ERBIN: variants seen among roughly 807,000 people sequenced by gnomAD.
ERBIN encodes the protein erbb2 interacting protein, also known as densin-180-like protein.
ERBIN carries 60 observed loss-of-function variants against 158.4 expected under a neutral mutation model. The observed-to-expected ratio is 0.38, with a 90% CI of 0.31 to 0.47. The LOEUF (loss-of-function observed/expected upper bound fraction) is 0.47. ERBIN is among the 20% of genes least tolerant of loss of function. The pLI, the probability that ERBIN is intolerant of heterozygous loss-of-function variation, is 0.99. For missense variants in ERBIN, 1,610 were observed against 1,648.0 expected (o/e 0.98, Z 0.40); for synonymous variants, 594 against 557.2 (o/e 1.07, Z -0.93).
At chr5:66,047,825 G>C (rs115912360) in intron 18 of ERBIN, among the ~76,000 whole-genome samples, 4,247 of 152,078 alleles carry the variant, frequency 0.028, 97 homozygotes, top group Middle Eastern at 0.041. Context: ...TTGTTACAGT[G>C]AACTTATGAC....
chr5:66,042,916 A>G (rs564295188), intron 15 of ERBIN, among the ~76,000 whole-genome samples, 161 bp from the exon 16 acceptor site: 1 of 152,186 alleles, frequency 6.6e-6, no homozygotes, highest in Non-Finnish European at 1.5e-5. Flanking sequence ...ATTATAAAGA[A>G]TCGGCCAACG....
intron 1 of ERBIN, among the ~76,000 whole-genome samples, chr5:65,936,801 T>C (rs906269270): frequency 2.0e-5 from 3 of 152,186 alleles, no homozygotes; most frequent in African/African-American, 7.2e-5. Flanking sequence ...AGATGAAAAT[T>C]CTCCACAATT....
intron 17 of ERBIN, among the ~76,000 whole-genome samples, chr5:66,045,542 A>G (rs1456642349): frequency 6.6e-6 from 1 of 151,998 alleles, no homozygotes; most frequent in Non-Finnish European, 1.5e-5. Context: ...ACACTCTGTG[A>G]TGTTCACAGA....
In ERBIN at chr5:66,054,642, A is replaced by C. The variant is rs1364359251; in HGVS notation, c.3324A>C (p.Arg1108Ser). 6.2e-7 allele frequency: 1 copy of C among 1,614,048 alleles called. No homozygotes were observed. Among genetic ancestry groups the C allele is most frequent in the Non-Finnish European group, 8.5e-7 (1 of 1,180,022 alleles). Residue 1108 changes from arginine (R) to serine (S), a missense_variant, in exon 21 of 26, where the codon AGA becomes AGC. Transcript: ENST00000284037. ...QIPEGDYLSY[R>S]EFHSAGRTPP... ...CTGAAGGAGATTATTTATCATACAG[A>C]GAGTTCCACTCAGCGGGAAGAACTC...
chr5:65,932,723 A>G (rs1245211789), intron 1 of ERBIN, among the ~76,000 whole-genome samples: 1 of 152,008 alleles, frequency 6.6e-6, no homozygotes, highest in Non-Finnish European at 1.5e-5. Context: ...CTTGATTTTC[A>G]TTTGTTTTCA....
At chr5:66,014,758 ATT>A in intron 7 of ERBIN, 33 bp downstream of exon 7, 1 of 1,098,924 alleles carries the variant, frequency 9.1e-7, no homozygotes, top group Non-Finnish European at 1.3e-6. Flanking sequence ...AAAAAACTTA[ATT>A]TATAATTTTT....
intron 1 of ERBIN, among the ~76,000 whole-genome samples, chr5:65,982,972 T>C (rs1361579273): frequency 1.3e-5 from 2 of 152,240 alleles, no homozygotes; most frequent in African/African-American, 4.8e-5. Context: ...TCTTGATTCC[T>C]GCTGGTTATA....
At chr5:65,958,578 C>G (rs1278003914) in intron 1 of ERBIN, among the ~76,000 whole-genome samples, 1 of 150,850 alleles carries the variant, frequency 6.6e-6, no homozygotes, top group African/African-American at 2.5e-5. Flanking sequence ...GCAGTACAGT[C>G]CAGCTTCGGC....
At chr5:65,957,965 T>C (rs1333908167) in intron 1 of ERBIN, among the ~76,000 whole-genome samples, 1 of 143,322 alleles carries the variant, frequency 7.0e-6, no homozygotes, top group Non-Finnish European at 1.5e-5. Context: ...GCGGAGGGGC[T>C]CCTCACCTCC....
intron 4 of ERBIN, among the ~76,000 whole-genome samples, chr5:66,002,063 C>T (rs554013354): frequency 6.6e-6 from 1 of 152,112 alleles, no homozygotes; most frequent in African/African-American, 2.4e-5. Flanking sequence ...GAACATGCGG[C>T]GTTTGATTTT....
chr5:65,946,079 A>T (rs921695357), intron 1 of ERBIN, among the ~76,000 whole-genome samples: 1 of 152,178 alleles, frequency 6.6e-6, no homozygotes, highest in East Asian at 1.9e-4. Flanking sequence ...TATAAATGGA[A>T]TCAGGCTGGG....
At chr5:65,988,706 G>A (rs1561337930) in intron 2 of ERBIN, 24 bp downstream of exon 2, 1 of 151,982 alleles carries the variant, frequency 6.6e-6, no homozygotes, top group Non-Finnish European at 1.5e-5. Flanking sequence ...ATTTCTTTTG[G>A]TAGAAAGTTT....
At chr5:66,026,062 T>C (rs977276142) in intron 12 of ERBIN, 85 bp downstream of exon 12, 1 of 1,162,322 alleles carries the variant, frequency 8.6e-7, no homozygotes, top group Non-Finnish European at 1.2e-6. Flanking sequence ...GTGGCTTCAT[T>C]TATTTTCTTT....
intron 1 of ERBIN, among the ~76,000 whole-genome samples, chr5:65,970,875 T>G (rs1019874469): frequency 6.6e-6 from 1 of 152,160 alleles, no homozygotes. Flanking sequence ...CTGGGCTGGG[T>G]GGCTATCATG....
At chr5:65,978,713 C>CT (rs1287013092) in intron 1 of ERBIN, among the ~76,000 whole-genome samples, 3 of 152,238 alleles carry the variant, frequency 2.0e-5, no homozygotes, top group Non-Finnish European at 4.4e-5. Context: ...ATGTGGGACT[C>CT]TGACAGAGCC....
At chr5:65,944,751 C>G (rs1460541665) in intron 1 of ERBIN, among the ~76,000 whole-genome samples, 1 of 152,068 alleles carries the variant, frequency 6.6e-6, no homozygotes, top group Non-Finnish European at 1.5e-5. Flanking sequence ...TGTCGAGTAT[C>G]TTTATATGTA....
At position 66,054,899 on chromosome 5, in the gene ERBIN, G is replaced by T; in HGVS notation, c.3581G>T (p.Arg1194Leu). The T allele has an allele frequency of 6.2e-7, 1 of 1,613,546 alleles. No individual in the cohort carries two copies. Among genetic ancestry groups the T allele is most frequent in the Non-Finnish European group, 8.5e-7 (1 of 1,179,798 alleles). Residue 1194 changes from arginine (R) to leucine (L), a missense_variant, in exon 21 of 26, where the codon CGT (arginine) becomes CTT (leucine). Coordinates refer to ENST00000284037, the MANE Select transcript of ERBIN (RefSeq NM_001253697.2). ...LDPPGKSKVP[R>L]DWREQVLRHI... ...CCTCCAGGAAAAAGTAAAGTTCCTC[G>T]TGACTGGAGAGAACAAGTACTTCGA...
intron 1 of ERBIN, among the ~76,000 whole-genome samples, chr5:65,944,409 G>GT (rs983577655): frequency 4.0e-5 from 6 of 151,546 alleles, no homozygotes; most frequent in African/African-American, 1.5e-4. Context: ...TTTGTTTTTT[G>GT]TTTTTTGTTT....
intron 21 of ERBIN, among the ~76,000 whole-genome samples, chr5:66,070,893 A>T (rs1761466495): frequency 6.6e-6 from 1 of 152,162 alleles, no homozygotes; most frequent in Non-Finnish European, 1.5e-5. Context: ...CAATATGATG[A>T]TGTAGTTTGC....
Sources: gnomAD v4.1 joint callset for allele counts (sites outside exome capture counted in the v4.1 genomes callset) on GRCh38, gnomAD v4.1.1 for gene constraint, MANE v1.5 for transcripts, NCBI Gene and HGNC (gene_info 2026-07-23, HGNC 2026-07-21) for gene names.